Variants in SORCS2 observed in about 807,000 individuals in gnomAD.
The protein encoded by SORCS2 is VPS10 domain-containing receptor SorCS2.
SORCS2 carries 100 observed loss-of-function variants against 141.6 expected under a neutral mutation model. That is an observed-to-expected ratio of 0.71 (90% confidence interval 0.60 to 0.83). SORCS2 has a LOEUF of 0.83. Among genes scored for constraint, SORCS2 ranks in the 40% least tolerant of loss-of-function variants. The probability of loss-of-function intolerance (pLI) is 0.00; values close to 1 mark genes in which losing one functional copy is unlikely to be tolerated. For missense variants in SORCS2, 1,646 were observed against 1,560.2 expected (o/e 1.05, Z -0.93); for synonymous variants, 789 against 676.9 (o/e 1.17, Z -2.57).
chr4:7,201,767 C>T lies in SORCS2; in HGVS notation c.480+8641C>T, dbSNP rs535490153. Among the ~76,000 whole-genome samples the T allele has an allele frequency of 3.4e-4, 52 of 152,076 alleles. No homozygotes were observed. Among genetic ancestry groups the T allele is most frequent in the Non-Finnish European group, 7.1e-4 (48 of 68,024 alleles). Reference sequence around the variant, plus strand: ...CACTTTGTCCTCGCCCCTCCTTAGTCGCTAGTTTGGGTGGGTGCTCTGTGG... The same window carrying T: ...CACTTTGTCCTCGCCCCTCCTTAGTTGCTAGTTTGGGTGGGTGCTCTGTGG... On this transcript the variant is annotated intron_variant, in intron 1 of 26. Transcript: ENST00000507866. This position sits in a 1 kb window ranked among gnomAD's most constrained non-coding sequence, Gnocchi z 4.4.
Position 7,192,855 on chromosome 4 carries a change from G to A in SORCS2, c.209G>A (p.Ser70Asn), listed in dbSNP as rs1726926490. 2 of 1,055,248 alleles carry A rather than the reference G, an allele frequency of 1.9e-6. No individual in the cohort carries two copies. Among genetic ancestry groups the A allele is most frequent in the East Asian group, 1.5e-4 (2 of 13,238 alleles). 65.4% of individuals were successfully genotyped at this position (1,055,248 alleles called of 1,614,324 possible). A position where few individuals can be genotyped will look rare whatever the true frequency, so the allele number is the denominator to read the frequency against. ...GCCCAACTGACCCGGGTGCCGCGGAGCCCTCCCGCGGGGCGCGCGGAGCCC... is the reference window on the plus strand; with the variant it reads ...GCCCAACTGACCCGGGTGCCGCGGAACCCTCCCGCGGGGCGCGCGGAGCCC... Reference protein sequence around the residue: ...PHAQLTRVPRSPPAGRAEPGG... With the variant: ...PHAQLTRVPRNPPAGRAEPGG... Residue 70 changes from serine (S) to asparagine (N), a missense_variant, in exon 1 of 27, where the codon AGC (serine) becomes AAC (asparagine). Coordinates refer to ENST00000507866, the MANE Select transcript of SORCS2 (RefSeq NM_020777.3). This position sits in a 1 kb window ranked among gnomAD's most constrained non-coding sequence, Gnocchi z 4.0.
In SORCS2 at chr4:7,714,303, A is replaced by T; in HGVS notation, c.2053A>T (p.Ile685Phe). Residue 685 changes from isoleucine to phenylalanine, a missense_variant, in exon 16 of 27, where the codon ATC becomes TTC. Coordinates refer to ENST00000507866, the MANE Select transcript of SORCS2 (RefSeq NM_020777.3). ...FRKRKSTSWC[I>F]KGRSFTSALT... The stretch of plus-strand genomic sequence containing the variant: ...GAAAAGAAAGTCCACGTCCTGGTGC[A>T]TCAAGGGGAGGAGCTTCACGTCGGC... 1 of 1,603,838 alleles carries T rather than the reference A, an allele frequency of 6.2e-7. No homozygotes were observed. The highest frequency in any genetic ancestry group is 8.5e-7 in the Non-Finnish European group (1 of 1,175,194).
At chr4:7,297,826 A>T (rs1374176853) in intron 1 of SORCS2, among the ~76,000 whole-genome samples, 1 of 152,128 alleles carries the variant, frequency 6.6e-6, no homozygotes, top group Non-Finnish European at 1.5e-5. Flanking sequence ...CCTGGAGCCC[A>T]GGTGTCTGGG....
Position 7,558,478 on chromosome 4 carries a change from T to C in SORCS2, c.648+26849T>C, listed in dbSNP as rs904658641. ...ACCCAGATGATCCTGCCCCAGGCAA[T>C]TGGGGCCCCACTCTCCTGTAACAGG... is the stretch of plus-strand genomic sequence containing the variant. On this transcript the variant is annotated intron_variant, in intron 3 of 26. Transcript: ENST00000507866. Among the ~76,000 whole-genome samples, 11 of 152,266 alleles carry C rather than the reference T, an allele frequency of 7.2e-5. No homozygotes were observed. In the South Asian group the frequency reaches 8.3e-4, roughly 11 times the overall value.
intron 2 of SORCS2, among the ~76,000 whole-genome samples, chr4:7,408,798 CT>C (rs1725131832): frequency 6.6e-6 from 1 of 151,920 alleles, no homozygotes; most frequent in African/African-American, 2.4e-5. Flanking sequence ...CCTTTTTATT[CT>C]TTTTTCTTTT....
chr4:7,606,254 G>A (rs556343936), intron 3 of SORCS2, among the ~76,000 whole-genome samples: 1 of 152,146 alleles, frequency 6.6e-6, no homozygotes, highest in Non-Finnish European at 1.5e-5. Context: ...ATAACAATTT[G>A]CTCTTTACAA....
chr4:7,411,246 G>A (rs1049538139), intron 2 of SORCS2, among the ~76,000 whole-genome samples: 2 of 151,858 alleles, frequency 1.3e-5, no homozygotes, highest in South Asian at 2.1e-4. Context: ...GAGCCACTGC[G>A]CCTGGCCTCT....
At chr4:7,490,667 C>T (rs754428424) in intron 2 of SORCS2, among the ~76,000 whole-genome samples, 4 of 152,184 alleles carry the variant, frequency 2.6e-5, no homozygotes, top group African/African-American at 9.6e-5. Flanking sequence ...ATGCACCGTC[C>T]GTCCTGGCCC....
intron 2 of SORCS2, among the ~76,000 whole-genome samples, chr4:7,501,547 G>T (rs1395632259): frequency 2.6e-5 from 4 of 152,154 alleles, no homozygotes; most frequent in Non-Finnish European, 4.4e-5. Flanking sequence ...CAGCCTCCTG[G>T]CTTAGCACTT....
chr4:7,630,160 G>A (rs62289024), intron 3 of SORCS2, among the ~76,000 whole-genome samples: 1 of 152,156 alleles, frequency 6.6e-6, no homozygotes, highest in East Asian at 1.9e-4. Flanking sequence ...AGACTGTGAG[G>A]GTGTGGTGGG....
At chr4:7,537,412 G>C (rs1210416035) in intron 3 of SORCS2, among the ~76,000 whole-genome samples, 1 of 152,294 alleles carries the variant, frequency 6.6e-6, no homozygotes, top group South Asian at 2.1e-4. Flanking sequence ...GTGGTGAGAG[G>C]GCAGCTTGAA....
intron 1 of SORCS2, among the ~76,000 whole-genome samples, chr4:7,217,186 T>G (rs1019424510): frequency 1.3e-5 from 2 of 152,164 alleles, no homozygotes; most frequent in African/African-American, 4.8e-5. Flanking sequence ...GGTCCCCTCC[T>G]TGTCAGGTTC....
chr4:7,673,836 T>G (rs1477017039), intron 8 of SORCS2, among the ~76,000 whole-genome samples: 1 of 152,078 alleles, frequency 6.6e-6, no homozygotes, highest in Non-Finnish European at 1.5e-5. Context: ...AAAGCACCCA[T>G]AATCTCAGTC....
chr4:7,433,532 T>C, intron 2 of SORCS2: 3 of 1,609,698 alleles, frequency 1.9e-6, no homozygotes, highest in East Asian at 2.2e-5. Flanking sequence ...AGACTCTCAA[T>C]GAGCACGGGC....
At chr4:7,565,982 G>A (rs200209383) in intron 3 of SORCS2, among the ~76,000 whole-genome samples, 2 of 75,164 alleles carry the variant, frequency 2.7e-5, no homozygotes, top group Middle Eastern at 0.014. Context: ...TGATGGTGAT[G>A]ATAATGGTAA....
chr4:7,599,343 G>C lies in SORCS2; in HGVS notation c.649-38985G>C, dbSNP rs1333655904. On this transcript the variant is annotated intron_variant, in intron 3 of 26. Transcript: ENST00000507866. ...GAAGTGGCGGTGATCCACGTGCCAG[G>C]CACTTGGCACGGGTGCTTCTCTGCA... is the stretch of plus-strand genomic sequence containing the variant. Among the ~76,000 whole-genome samples, 5 of 152,208 alleles carry C rather than the reference G, an allele frequency of 3.3e-5. No homozygotes were observed. The East Asian group carries it at 7.7e-4, about 24-fold the overall frequency.
intron 4 of SORCS2, among the ~76,000 whole-genome samples, chr4:7,644,132 C>G (rs576594418): frequency 6.6e-6 from 1 of 152,164 alleles, no homozygotes; most frequent in Non-Finnish European, 1.5e-5. Context: ...CACTAGACCC[C>G]CCTTCCCAGG....
chr4:7,455,035 GGTGCTGTGTGTTGGGGTC>G (rs1728790202), intron 2 of SORCS2, among the ~76,000 whole-genome samples: 7 of 37,500 alleles, frequency 1.9e-4, no homozygotes, highest in Non-Finnish European at 2.8e-4. Flanking sequence ...GTTGGGGTCA[GGTGCTGTGTGTTGGGGTC>G]AGATGCTGTG....
chr4:7,676,737 T>A (rs1375442571), intron 9 of SORCS2, among the ~76,000 whole-genome samples: 1 of 145,852 alleles, frequency 6.9e-6, no homozygotes, highest in East Asian at 2.1e-4. Context: ...TCCCTCTCCC[T>A]CTCTCCACCC....
Sources: allele counts gnomAD v4.1 joint callset (sites outside exome capture counted in the v4.1 genomes callset), GRCh38; gene constraint gnomAD v4.1.1; non-coding constraint Gnocchi (gnomAD v3.1); transcripts MANE v1.5; gene names NCBI Gene and HGNC (gene_info 2026-07-23, HGNC 2026-07-21).